The following FHOD3 variants were observed in gnomAD, a reference collection of about 807,000 sequenced individuals.
FHOD3 encodes FH1/FH2 domain-containing protein 3.
A neutral mutation model predicts 173.0 loss-of-function variants in FHOD3; 90 were observed. The ratio of observed to expected loss-of-function variants is 0.52; its 90% CI spans 0.44 to 0.62. The LOEUF (loss-of-function observed/expected upper bound fraction) is 0.62, where lower values mean the gene tolerates loss of function less well. Among genes scored for constraint, FHOD3 ranks in the 20% least tolerant of loss-of-function variants. The pLI is 0.00. For missense variants in FHOD3, 1,945 were observed against 2,034.7 expected (o/e 0.96, Z 0.85); for synonymous variants, 828 against 823.0 (o/e 1.01, Z -0.10).
At chr18:36,492,586 T>A (rs956877510) in intron 3 of FHOD3, among the ~76,000 whole-genome samples, 4 of 152,312 alleles carry the variant, frequency 2.6e-5, no homozygotes, top group Non-Finnish European at 5.9e-5. Context: ...TAACCAATCA[T>A]TAAGATTATT....
intron 5 of FHOD3, among the ~76,000 whole-genome samples, chr18:36,547,168 T>G (rs1342789547): frequency 4.6e-5 from 7 of 152,076 alleles, no homozygotes; most frequent in African/African-American, 1.4e-4. Flanking sequence ...GAAGGACATA[T>G]GAGAGTGTGG....
chr18:36,480,101 C>T (rs189468927), intron 3 of FHOD3, among the ~76,000 whole-genome samples: 13 of 152,202 alleles, frequency 8.5e-5, no homozygotes, highest in East Asian at 1.9e-4. Flanking sequence ...TCTGTAAACT[C>T]GCCTGCTTCT....
At chr18:36,526,171 G>A (rs544163027) in intron 5 of FHOD3, among the ~76,000 whole-genome samples, 4 of 152,364 alleles carry the variant, frequency 2.6e-5, no homozygotes, top group Non-Finnish European at 4.4e-5. Context: ...AAGGCCCCTC[G>A]TCGTAAGGAA....
intron 3 of FHOD3, among the ~76,000 whole-genome samples, chr18:36,457,009 G>T (rs1455087375): frequency 2.6e-5 from 4 of 152,116 alleles, no homozygotes; most frequent in African/African-American, 9.7e-5. Context: ...ATGAAGCTTG[G>T]GAAGATGTGA....
chr18:36,567,983 C>G (rs2058324481), intron 5 of FHOD3, among the ~76,000 whole-genome samples: 1 of 151,792 alleles, frequency 6.6e-6, no homozygotes, highest in South Asian at 2.1e-4. Flanking sequence ...AATTAAGTGG[C>G]TGAACAAGTT....
At chr18:36,605,548 T>G (rs1472543445) in intron 8 of FHOD3, among the ~76,000 whole-genome samples, 1 of 152,224 alleles carries the variant, frequency 6.6e-6, no homozygotes, top group East Asian at 1.9e-4. Flanking sequence ...CTTAACTCAT[T>G]TATGCCTAGT....
chr18:36,648,037 G>C (rs951235902), intron 10 of FHOD3, among the ~76,000 whole-genome samples: 3 of 152,366 alleles, frequency 2.0e-5, no homozygotes, highest in African/African-American at 4.8e-5. Flanking sequence ...TGGGATGACA[G>C]AGTTAAAGAT....
chr18:36,480,340 A>C (rs1033537119), intron 3 of FHOD3, among the ~76,000 whole-genome samples: 1 of 152,200 alleles, frequency 6.6e-6, no homozygotes, highest in African/African-American at 2.4e-5. Context: ...CTGTACAGAA[A>C]TATTTGCACA....
chr18:36,595,816 G>A (rs2030255879), intron 7 of FHOD3, among the ~76,000 whole-genome samples: 1 of 152,146 alleles, frequency 6.6e-6, no homozygotes, highest in African/African-American at 2.4e-5. Flanking sequence ...TTTGTTGTTT[G>A]TTTTCTTCCC....
chr18:36,315,327 C>A (rs1485622419), intron 1 of FHOD3, among the ~76,000 whole-genome samples: 1 of 152,212 alleles, frequency 6.6e-6, no homozygotes, highest in African/African-American at 2.4e-5. Flanking sequence ...AGTCTCTCTT[C>A]ATTTCCAGGC....
chr18:36,729,326 C>T (rs542446821), intron 19 of FHOD3, among the ~76,000 whole-genome samples: 3 of 152,308 alleles, frequency 2.0e-5, no homozygotes, highest in East Asian at 3.9e-4. Context: ...CCACCTGCCC[C>T]CAGGTGCCAC....
intron 3 of FHOD3, among the ~76,000 whole-genome samples, chr18:36,384,768 G>A (rs12326715): frequency 0.22 from 33,482 of 152,000 alleles, 4,237 homozygotes; most frequent in East Asian, 0.67. Flanking sequence ...CTCACCCCTT[G>A]GAGACCTGTT....
At chr18:36,773,603 G>A (rs961989012) in intron 28 of FHOD3, among the ~76,000 whole-genome samples, 2 of 152,176 alleles carry the variant, frequency 1.3e-5, no homozygotes, top group Non-Finnish European at 2.9e-5. Flanking sequence ...GACGGTTGTG[G>A]GGTTAAGCGA....
chr18:36,770,451 G>A (rs542774089), intron 28 of FHOD3, among the ~76,000 whole-genome samples: 7 of 152,282 alleles, frequency 4.6e-5, no homozygotes, highest in South Asian at 4.1e-4. Context: ...ATTTACACAC[G>A]TTTCCAGGAT....
At chr18:36,729,986 C>A (rs1183912520) in intron 19 of FHOD3, among the ~76,000 whole-genome samples, 3 of 152,198 alleles carry the variant, frequency 2.0e-5, no homozygotes, top group Admixed American at 1.3e-4. Context: ...GCTGGTTCGT[C>A]CCCTATTCAT....
intron 20 of FHOD3, among the ~76,000 whole-genome samples, chr18:36,737,083 C>T: frequency 6.6e-6 from 1 of 152,214 alleles, no homozygotes; most frequent in East Asian, 1.9e-4. Context: ...TGGCTTTAAC[C>T]TGCCCTTCCA....
chr18:36,762,616 G>T (rs1009342211), intron 27 of FHOD3, among the ~76,000 whole-genome samples: 4 of 152,102 alleles, frequency 2.6e-5, no homozygotes, highest in African/African-American at 9.7e-5. Context: ...GGCCAACCGG[G>T]TGAAACCCTG....
intron 2 of FHOD3, among the ~76,000 whole-genome samples, chr18:36,362,997 G>A (rs1008035796): frequency 6.6e-6 from 1 of 152,136 alleles, no homozygotes; most frequent in Non-Finnish European, 1.5e-5. Flanking sequence ...GAACAGATAT[G>A]TCACTAAAGA....
intron 3 of FHOD3, among the ~76,000 whole-genome samples, chr18:36,388,917 C>T (rs2048161281): frequency 1.3e-5 from 2 of 152,208 alleles, no homozygotes; most frequent in African/African-American, 2.4e-5. Flanking sequence ...AGGGAAGGTG[C>T]CCTGGGGGCT....
Sources: gnomAD v4.1 joint callset for allele counts (sites outside exome capture counted in the v4.1 genomes callset) on GRCh38, gnomAD v4.1.1 for gene constraint, MANE v1.5 for transcripts, NCBI Gene and HGNC (gene_info 2026-07-23, HGNC 2026-07-21) for gene names.